The following STIM1 variants were observed in gnomAD, a reference collection of about 807,000 sequenced individuals.
The protein encoded by STIM1 is stromal interaction molecule 1.
A neutral mutation model predicts 74.7 loss-of-function variants in STIM1; 25 were observed. The ratio of observed to expected loss-of-function variants is 0.33; its 90% CI spans 0.24 to 0.47. The LOEUF is 0.47. STIM1 is among the 20% of genes least tolerant of loss of function. The probability of loss-of-function intolerance (pLI) is 1.00; values close to 1 mark genes in which losing one functional copy is unlikely to be tolerated. For synonymous variants in STIM1, 328 were observed against 348.8 expected, an observed-to-expected ratio of 0.94 and a Z score of 0.66; for missense variants, 728 against 920.8, an observed-to-expected ratio of 0.79 and a Z score of 2.71.
chr11:3,944,952 G>A (rs191496390), intron 1 of STIM1, among the ~76,000 whole-genome samples: 1 of 151,948 alleles, frequency 6.6e-6, no homozygotes, highest in Admixed American at 6.6e-5. Context: ...TATATAATAC[G>A]GGTGACCCAG....
rs887971353 is a variant in STIM1, at chr11:4,092,740, T to G, written c.*942T>G. The G allele has an allele frequency of 2.0e-5, 3 of 152,220 alleles. No homozygotes were observed. The highest frequency in any genetic ancestry group is 7.2e-5 in the African/African-American group (3 of 41,440). The allele number at this position is 152,220 out of a possible 1,614,324, so 9.4% of individuals were successfully genotyped here. ...GTTGTTGGGCAAGGATGCTGTCATT[T>G]TTTGAACCAAAAGACAAACAGGTTA... On this transcript the variant is annotated 3_prime_UTR_variant, in exon 13 of 13. Coordinates refer to ENST00000526596, the MANE Select transcript of STIM1 (RefSeq NM_001382567.1).
Position 4,070,090 on chromosome 11 carries a change from C to A in STIM1, c.678C>A (p.Gly226=), listed in dbSNP as rs759708372. ...TGTCTATCGTTATTGGTGTGGGCGG[C>A]TGCTGGTTTGCCTATATCCAGAACC... The part of the protein sequence containing the change: ...LVVSIVIGVG[G]CWFAYIQNRY... The change falls in exon 6 of 13, where the codon GGC becomes GGA. Residue 226 remains glycine (G), a synonymous_variant. Coordinates refer to ENST00000526596, the MANE Select transcript of STIM1 (RefSeq NM_001382567.1). The A allele has an allele frequency of 6.2e-7, 1 of 1,614,164 alleles. No homozygotes were observed. Among genetic ancestry groups the A allele is most frequent in the Non-Finnish European group, 8.5e-7 (1 of 1,180,032 alleles).
intron 1 of STIM1, among the ~76,000 whole-genome samples, chr11:3,921,648 G>A (rs1033515279): frequency 6.7e-6 from 1 of 148,420 alleles, no homozygotes; most frequent in Non-Finnish European, 1.5e-5. Flanking sequence ...CCATCAAGGG[G>A]TGGAGTCTAA....
intron 1 of STIM1, among the ~76,000 whole-genome samples, chr11:3,954,829 AAC>A (rs1486131824): frequency 6.6e-6 from 1 of 152,228 alleles, no homozygotes; most frequent in African/African-American, 2.4e-5. Context: ...TACTTTAGAA[AAC>A]AGTTTGGCAG....
intron 1 of STIM1, among the ~76,000 whole-genome samples, chr11:3,939,802 C>T (rs1234424199): frequency 3.9e-5 from 6 of 152,134 alleles, no homozygotes; most frequent in Non-Finnish European, 1.5e-5. Flanking sequence ...TTTTCTTTCC[C>T]TATTCTTCTG....
chr11:4,068,869 C>T (rs900056695), intron 5 of STIM1, among the ~76,000 whole-genome samples: 1 of 152,190 alleles, frequency 6.6e-6, no homozygotes, highest in African/African-American at 2.4e-5. Context: ...CTTGACCTTC[C>T]CTTAACTTGG....
At chr11:3,898,958 C>T (rs2092270614) in intron 1 of STIM1, among the ~76,000 whole-genome samples, 1 of 151,788 alleles carries the variant, frequency 6.6e-6, no homozygotes, top group Admixed American at 6.6e-5. Context: ...GTGATGCCTC[C>T]AGCTTTGTTC....
intron 1 of STIM1, among the ~76,000 whole-genome samples, chr11:3,885,324 G>A (rs544256190): frequency 3.3e-5 from 5 of 151,766 alleles, no homozygotes; most frequent in South Asian, 2.1e-4. Context: ...GGCTATAGAC[G>A]TGTGCTAGCC....
chr11:3,978,755 T>C (rs983651457), intron 2 of STIM1, among the ~76,000 whole-genome samples: 1 of 151,912 alleles, frequency 6.6e-6, no homozygotes, highest in Admixed American at 6.6e-5. Flanking sequence ...AGAGTAGAAA[T>C]GTCATGAGAC....
intron 3 of STIM1, among the ~76,000 whole-genome samples, chr11:4,053,316 G>A (rs1268820555): frequency 6.6e-6 from 1 of 152,116 alleles, no homozygotes; most frequent in Non-Finnish European, 1.5e-5. Context: ...AAATAGCAAA[G>A]ACTTGGAACC....
At chr11:4,074,274 T>C (rs997549076) in intron 6 of STIM1, among the ~76,000 whole-genome samples, 4 of 152,262 alleles carry the variant, frequency 2.6e-5, no homozygotes, top group Non-Finnish European at 4.4e-5. Context: ...AGAGCCTGGC[T>C]TCATAGCCTT....
intron 1 of STIM1, among the ~76,000 whole-genome samples, chr11:3,924,173 AG>A (rs1414529156): frequency 2.0e-5 from 3 of 148,910 alleles, no homozygotes; most frequent in African/African-American, 7.5e-5. Flanking sequence ...GTTGTCTTGT[AG>A]TGGTCTTATA....
chr11:3,896,536 T>A (rs2092182570), intron 1 of STIM1, among the ~76,000 whole-genome samples: 3 of 152,182 alleles, frequency 2.0e-5, no homozygotes, highest in Admixed American at 2.0e-4. Flanking sequence ...CAACACTAGG[T>A]AGTGTCACAA....
chr11:3,956,823 CAAAAAAAAA>C lies in STIM1; in HGVS notation c.140-10709_140-10701del, dbSNP rs78285130. On this transcript the variant is annotated intron_variant, in intron 1 of 12. Coordinates refer to ENST00000526596, the MANE Select transcript of STIM1 (RefSeq NM_001382567.1). ...GGGTGACAGAGCAAGACCCTGTCTC[CAAAAAAAAA>C]AAAAAAAAAAAAAAAAAAAGTCAGA... 5.0e-4 allele frequency among the ~76,000 whole-genome samples: 19 copies of C among 38,152 alleles called. No homozygotes were observed. In the South Asian group the frequency reaches 5.2e-3, roughly 10 times the overall value. 25.0% of individuals were successfully genotyped at this position (38,152 alleles called of 152,430 possible).
At chr11:4,067,049 A>G (rs537499751) in intron 5 of STIM1, among the ~76,000 whole-genome samples, 11 of 152,150 alleles carry the variant, frequency 7.2e-5, no homozygotes, top group Admixed American at 5.2e-4. Flanking sequence ...CTCCACATCT[A>G]TATTCTTAAT....
At chr11:4,061,229 T>C (rs1386678836) in intron 5 of STIM1, among the ~76,000 whole-genome samples, 1 of 152,178 alleles carries the variant, frequency 6.6e-6, no homozygotes, top group Non-Finnish European at 1.5e-5. Context: ...ACCAGAATGC[T>C]GGGGACATGG....
chr11:3,927,540 C>T (rs1257145300), intron 1 of STIM1, among the ~76,000 whole-genome samples: 2 of 152,176 alleles, frequency 1.3e-5, no homozygotes, highest in Non-Finnish European at 2.9e-5. Context: ...TCGCAGTTTG[C>T]CCTAGGCTCT....
At chr11:4,017,644 T>C (rs187545964) in intron 2 of STIM1, among the ~76,000 whole-genome samples, 2 of 152,352 alleles carry the variant, frequency 1.3e-5, no homozygotes, top group African/African-American at 4.8e-5. Context: ...TTGTGGTAAC[T>C]GTCTTTCTAG....
intron 2 of STIM1, among the ~76,000 whole-genome samples, chr11:3,970,346 A>T (rs1213345750): frequency 2.6e-5 from 4 of 152,168 alleles, no homozygotes; most frequent in Non-Finnish European, 5.9e-5. Context: ...GGTTTGCATG[A>T]TCAATCACAA....
Sources: allele counts gnomAD v4.1 joint callset (sites outside exome capture counted in the v4.1 genomes callset), GRCh38; gene constraint gnomAD v4.1.1; transcripts MANE v1.5; gene names NCBI Gene and HGNC (gene_info 2026-07-23, HGNC 2026-07-21).